The following PLCB4 variants were observed in gnomAD, a reference collection of about 807,000 sequenced individuals.
PLCB4 encodes the protein phospholipase C beta 4.
Under a neutral mutation model 178.8 loss-of-function variants are expected in PLCB4, and 77 were observed. The ratio of observed to expected loss-of-function variants is 0.43; its 90% CI spans 0.36 to 0.52. The LOEUF (loss-of-function observed/expected upper bound fraction) is 0.52. Among genes scored for constraint, PLCB4 ranks in the 20% least tolerant of loss-of-function variants. PLCB4 has a pLI of 0.00. For missense variants in PLCB4, 1,024 were observed against 1,453.4 expected (o/e 0.70, Z 4.80); for synonymous variants, 496 against 490.8 (o/e 1.01, Z -0.14).
intron 32 of PLCB4, among the ~76,000 whole-genome samples, chr20:9,448,648 A>C (rs2042563460): frequency 6.7e-6 from 1 of 148,844 alleles, no homozygotes; most frequent in South Asian, 2.1e-4. Context: ...CTCATTGGCT[A>C]TCATTAGTGT....
At position 9,234,214 on chromosome 20, in the gene PLCB4, TA is replaced by T. The variant is rs2093967245; in HGVS notation, c.-16+16768del. Among the ~76,000 whole-genome samples the T allele has an allele frequency of 3.3e-5, 5 of 152,176 alleles. No homozygotes were observed. The South Asian group carries it at 1.0e-3, about 32-fold the overall frequency. ...GAAAAGACTAGAGGAAAAATATGGA[TA>T]AAAAATCAAATGTTCTGCTTTAAAC... On this transcript the variant is annotated intron_variant, in intron 3 of 39. Transcript: ENST00000378473.
intron 7 of PLCB4, among the ~76,000 whole-genome samples, chr20:9,351,003 T>C (rs191341305): frequency 2.6e-4 from 39 of 152,336 alleles, no homozygotes; most frequent in African/African-American, 9.1e-4. Flanking sequence ...AGTCATACAG[T>C]AGTACTTCCC....
At chr20:9,468,281 T>C (rs778281677) in intron 35 of PLCB4, among the ~76,000 whole-genome samples, 3 of 151,556 alleles carry the variant, frequency 2.0e-5, no homozygotes, top group Admixed American at 6.6e-5. Context: ...ATGAGCTCAA[T>C]AATAGAAAGA....
At position 9,478,955 on chromosome 20, in the gene PLCB4, C is replaced by T. The variant is rs755565691; in HGVS notation, c.3567C>T (p.Ser1189=). The change falls in exon 40 of 40, where the codon AGC becomes AGT. Residue 1189 remains serine (S), a synonymous_variant. Coordinates refer to ENST00000378473, the MANE Select transcript of PLCB4 (RefSeq NM_001377142.1). ...ATGCAGCAGATGGTGAAATTGGAAG[C>T]CGAGATGGACCGCAGACCAGCAACA... ...EGDAADGEIG[S]RDGPQTSNSS... is the part of the protein sequence containing the mutation. 16 of 1,613,558 alleles carry T rather than the reference C, an allele frequency of 9.9e-6. No homozygotes were observed. Among genetic ancestry groups the T allele is most frequent in the Non-Finnish European group, 1.4e-5 (16 of 1,179,632 alleles).
At chr20:9,147,331 C>A (rs1199249968) in intron 2 of PLCB4, among the ~76,000 whole-genome samples, 1 of 152,152 alleles carries the variant, frequency 6.6e-6, no homozygotes, top group African/African-American at 2.4e-5. Context: ...TCATTACAGT[C>A]TGGCTAAGGA....
At chr20:9,420,943 G>C (rs575739713) in intron 26 of PLCB4, among the ~76,000 whole-genome samples, 7 of 152,288 alleles carry the variant, frequency 4.6e-5, no homozygotes, top group Non-Finnish European at 8.8e-5. Flanking sequence ...TCAGAGCTAT[G>C]AAGGGTCTTA....
chr20:9,165,427 G>T (rs940349252), intron 2 of PLCB4, among the ~76,000 whole-genome samples: 3 of 152,124 alleles, frequency 2.0e-5, no homozygotes, highest in African/African-American at 7.2e-5. Context: ...TTGAAAACTT[G>T]TCACAATATC....
intron 2 of PLCB4, among the ~76,000 whole-genome samples, chr20:9,145,073 C>T (rs1230705326): frequency 6.6e-6 from 1 of 152,078 alleles, no homozygotes; most frequent in East Asian, 1.9e-4. Context: ...GCACTCATTT[C>T]TGTCCTCATT....
At chr20:9,360,825 C>T (rs1441464596) in intron 7 of PLCB4, among the ~76,000 whole-genome samples, 1 of 152,216 alleles carries the variant, frequency 6.6e-6, no homozygotes, top group Non-Finnish European at 1.5e-5. Flanking sequence ...CTATTTACAG[C>T]TCTGCTTTTG....
chr20:9,371,124 T>C (rs1369686705), intron 9 of PLCB4, 90 bp from the exon 10 acceptor site: 2 of 829,072 alleles, frequency 2.4e-6, no homozygotes, highest in Non-Finnish European at 4.2e-6. Flanking sequence ...TACCCTAGTC[T>C]CACTCTCCAT....
At chr20:9,387,644 A>C in intron 15 of PLCB4, 88 bp downstream of exon 15, 1 of 622,146 alleles carries the variant, frequency 1.6e-6, no homozygotes, top group South Asian at 2.5e-5. Flanking sequence ...CAAATGATTC[A>C]TTTTCTCAAG....
intron 1 of PLCB4, among the ~76,000 whole-genome samples, chr20:9,078,221 T>A (rs1242936369): frequency 6.6e-6 from 1 of 151,914 alleles, no homozygotes; most frequent in African/African-American, 2.4e-5. Flanking sequence ...GCTCAAGCAG[T>A]CCCCCCACCT....
Position 9,339,036 on chromosome 20 carries a change from A to C in PLCB4, c.368A>C (p.Lys123Thr). 1 of 1,611,228 alleles carries C rather than the reference A, an allele frequency of 6.2e-7. No homozygotes were observed. Among genetic ancestry groups the C allele is most frequent in the Non-Finnish European group, 8.5e-7 (1 of 1,178,238 alleles). Residue 123 changes from lysine (K) to threonine (T), a missense_variant and splice_region_variant, in exon 7 of 40, where the codon AAG becomes ACG. Lys to Thr is a moderately conservative substitution (Grantham distance 78). This residue lies in a region of PLCB4 where 225 missense variants were observed against 291.0 expected (regional missense o/e 0.77). Transcript: ENST00000378473. Reference sequence around the variant, plus strand: ...GTGGCTGAAAATCCAGAAGTAACTAAGGTAGCTTCAGTTAAATGGCCTCCT... The same window carrying C: ...GTGGCTGAAAATCCAGAAGTAACTACGGTAGCTTCAGTTAAATGGCCTCCT... ...YMVAENPEVT[K>T]QWVEGLRSII... is the part of the protein sequence containing the mutation.
At chr20:9,456,238 A>G (rs1340244055) in intron 33 of PLCB4, among the ~76,000 whole-genome samples, 2 of 152,194 alleles carry the variant, frequency 1.3e-5, no homozygotes, top group East Asian at 1.9e-4. Context: ...TTTGAAACAA[A>G]TGAAAGGTTT....
At chr20:9,254,756 TA>T (rs1410459444) in intron 3 of PLCB4, among the ~76,000 whole-genome samples, 3 of 152,206 alleles carry the variant, frequency 2.0e-5, no homozygotes, top group Non-Finnish European at 4.4e-5. Flanking sequence ...CTCTAATATT[TA>T]TATTGCAATA....
intron 2 of PLCB4, among the ~76,000 whole-genome samples, chr20:9,107,612 G>A (rs1042870752): frequency 5.9e-5 from 9 of 152,176 alleles, no homozygotes; most frequent in African/African-American, 1.4e-4. Context: ...AGGAAGCCCC[G>A]GATTGAACAT....
chr20:9,389,994 G>A (rs2038007410), intron 16 of PLCB4, 36 bp downstream of exon 16: 1 of 1,165,368 alleles, frequency 8.6e-7, no homozygotes, highest in Non-Finnish European at 1.3e-6. Context: ...TCTCTATGTG[G>A]TATTGTTTCC....
At chr20:9,396,307 AAG>A (rs574957039) in intron 19 of PLCB4, among the ~76,000 whole-genome samples, 132 of 152,322 alleles carry the variant, frequency 8.7e-4, no homozygotes, top group Admixed American at 1.5e-3. Context: ...CAAATAATTT[AAG>A]AGACCCTCAG....
intron 7 of PLCB4, among the ~76,000 whole-genome samples, chr20:9,350,715 C>T (rs757112488): frequency 1.3e-5 from 2 of 152,132 alleles, no homozygotes; most frequent in South Asian, 2.1e-4. Context: ...CATGCCACCA[C>T]GCCCAGCTAA....
Sources: allele counts gnomAD v4.1 joint callset (sites outside exome capture counted in the v4.1 genomes callset), GRCh38; gene constraint gnomAD v4.1.1; regional missense constraint gnomAD v4.1.1; transcripts MANE v1.5; gene names NCBI Gene and HGNC (gene_info 2026-07-23, HGNC 2026-07-21).